PHLPP1: variants seen among roughly 807,000 people sequenced by gnomAD.
The protein encoded by PHLPP1 is PH domain leucine-rich repeat-containing protein phosphatase 1.
In PHLPP1, 42 loss-of-function variants were observed where a neutral mutation model predicts 117.2. The ratio of observed to expected loss-of-function variants is 0.36; its 90% CI spans 0.28 to 0.46. The LOEUF is 0.46. Ranked by LOEUF, PHLPP1 falls within the 20% of genes least tolerant of loss-of-function variation. The pLI, the probability that PHLPP1 is intolerant of heterozygous loss-of-function variation, is 1.00. For synonymous variants in PHLPP1, 1,042 were observed against 970.7 expected (o/e 1.07, Z -1.37); for missense variants, 2,084 against 2,241.9 (o/e 0.93, Z 1.42).
intron 4 of PHLPP1, among the ~76,000 whole-genome samples, chr18:62,872,125 T>C (rs1915920099): frequency 6.6e-6 from 1 of 152,154 alleles, no homozygotes. Flanking sequence ...AGTATACAGA[T>C]TTTTACATGT....
chr18:62,864,498 A>T (rs1340301753), intron 4 of PHLPP1, among the ~76,000 whole-genome samples: 1 of 152,266 alleles, frequency 6.6e-6, no homozygotes, highest in Admixed American at 6.5e-5. Context: ...GGCGAGGGCC[A>T]TTGATAACAG....
intron 6 of PHLPP1, among the ~76,000 whole-genome samples, chr18:62,898,413 C>A (rs1916624120): frequency 6.6e-6 from 1 of 152,140 alleles, no homozygotes. Flanking sequence ...TGTCTTTTAT[C>A]CCTTCCTTTT....
At chr18:62,822,143 G>A (rs149029460) in intron 1 of PHLPP1, among the ~76,000 whole-genome samples, 2 of 151,994 alleles carry the variant, frequency 1.3e-5, no homozygotes, top group East Asian at 3.9e-4. Context: ...TTAGTTGGTG[G>A]CAGAAACAGC....
chr18:62,781,856 T>C (rs1387813445), intron 1 of PHLPP1, among the ~76,000 whole-genome samples: 2 of 152,190 alleles, frequency 1.3e-5, no homozygotes, highest in African/African-American at 4.8e-5. Flanking sequence ...TTGGAATACA[T>C]ATGAGAAATT....
At chr18:62,821,147 A>G (rs1021211593) in intron 1 of PHLPP1, among the ~76,000 whole-genome samples, 1 of 152,186 alleles carries the variant, frequency 6.6e-6, no homozygotes, top group Non-Finnish European at 1.5e-5. Context: ...TTAGTAAAAG[A>G]TGGACCTAGT....
Position 62,850,811 on chromosome 18 carries a change from G to T in PHLPP1, c.1900-9624G>T, listed in dbSNP as rs558654735. Among the ~76,000 whole-genome samples the T allele has an allele frequency of 2.0e-5, 3 of 152,162 alleles. No homozygotes were observed. The South Asian group carries it at 6.2e-4, about 32-fold the overall frequency. On this transcript the variant is annotated intron_variant, in intron 3 of 16. Transcript: ENST00000262719. Reference sequence around the variant, plus strand: ...TATACTGTTGCATCTGACTCCTAAAGAGTCCACATTTTCACTTTTGGCCGC... The same window carrying T: ...TATACTGTTGCATCTGACTCCTAAATAGTCCACATTTTCACTTTTGGCCGC...
chr18:62,787,602 A>C (rs571332823), intron 1 of PHLPP1, among the ~76,000 whole-genome samples: 6 of 152,340 alleles, frequency 3.9e-5, no homozygotes, highest in African/African-American at 1.4e-4. Context: ...GATTTTTATC[A>C]GCCTTTTCCC....
chr18:62,921,151 A>G (rs995303553), intron 10 of PHLPP1, among the ~76,000 whole-genome samples: 2 of 152,222 alleles, frequency 1.3e-5, no homozygotes, highest in African/African-American at 4.8e-5. Flanking sequence ...CATGTGCATC[A>G]TTCTCAAGTG....
chr18:62,976,076 A>G (rs913923653), intron 16 of PHLPP1, among the ~76,000 whole-genome samples: 2 of 152,232 alleles, frequency 1.3e-5, no homozygotes, highest in Admixed American at 6.5e-5. Context: ...ATGAACGTCT[A>G]TGTAAGTGTA....
intron 1 of PHLPP1, among the ~76,000 whole-genome samples, chr18:62,757,352 C>T (rs1028404413): frequency 3.9e-5 from 6 of 152,162 alleles, no homozygotes; most frequent in African/African-American, 1.4e-4. Flanking sequence ...TTCTTGCTGA[C>T]TGTTAGAGAT....
intron 1 of PHLPP1, among the ~76,000 whole-genome samples, chr18:62,798,910 CA>C (rs1293215100): frequency 6.6e-6 from 1 of 152,006 alleles, no homozygotes; most frequent in African/African-American, 2.4e-5. Flanking sequence ...AAAAACAAAA[CA>C]AAACAAAACA....
chr18:62,783,782 A>G (rs1317503788), intron 1 of PHLPP1, among the ~76,000 whole-genome samples: 1 of 151,698 alleles, frequency 6.6e-6, no homozygotes, highest in African/African-American at 2.4e-5. Context: ...CATGTTTCTT[A>G]TGGGGTGAAA....
At chr18:62,871,532 C>T (rs1213397573) in intron 4 of PHLPP1, among the ~76,000 whole-genome samples, 6 of 151,558 alleles carry the variant, frequency 4.0e-5, no homozygotes, top group African/African-American at 9.7e-5. Context: ...TTCACCATGT[C>T]GGCCAGTCTG....
At chr18:62,782,545 A>T (rs940411752) in intron 1 of PHLPP1, among the ~76,000 whole-genome samples, 27 of 152,234 alleles carry the variant, frequency 1.8e-4, no homozygotes, top group Admixed American at 2.0e-4. Flanking sequence ...CATATTATAT[A>T]CAAATTTAAT....
intron 1 of PHLPP1, among the ~76,000 whole-genome samples, chr18:62,766,079 ATATATATATAT>A (rs1568109446): frequency 2.6e-5 from 1 of 38,346 alleles, no homozygotes; most frequent in African/African-American, 6.8e-5. Context: ...AAAAAAAAAT[ATATATATATAT>A]ATATATATAT....
chr18:62,717,709 A>G (rs1910802604), intron 1 of PHLPP1, among the ~76,000 whole-genome samples: 9 of 152,106 alleles, frequency 5.9e-5, no homozygotes, highest in Admixed American at 5.9e-4. Context: ...TGAGCGTTCT[A>G]GCTGTATGTG....
intron 1 of PHLPP1, among the ~76,000 whole-genome samples, chr18:62,750,222 C>G (rs747948690): frequency 6.6e-5 from 10 of 152,048 alleles, no homozygotes; most frequent in Non-Finnish European, 1.2e-4. Flanking sequence ...CTTGAAACAC[C>G]CATTTTTCAT....
At chr18:62,788,007 A>G (rs1173016769) in intron 1 of PHLPP1, among the ~76,000 whole-genome samples, 1 of 152,208 alleles carries the variant, frequency 6.6e-6, no homozygotes, top group Non-Finnish European at 1.5e-5. Flanking sequence ...CCTCAATGGC[A>G]CTGTATTCAT....
chr18:62,755,592 G>T (rs1042583228), intron 1 of PHLPP1, among the ~76,000 whole-genome samples: 2 of 152,158 alleles, frequency 1.3e-5, no homozygotes, highest in African/African-American at 4.8e-5. Context: ...TGAGGATGCA[G>T]TGAGAAGGTG....
Sources: gnomAD v4.1 joint callset for allele counts (sites outside exome capture counted in the v4.1 genomes callset) on GRCh38, gnomAD v4.1.1 for gene constraint, MANE v1.5 for transcripts, NCBI Gene and HGNC (gene_info 2026-07-23, HGNC 2026-07-21) for gene names.